The following NTRK3 variants were observed in gnomAD, a reference collection of about 807,000 sequenced individuals.
NTRK3 encodes the protein NT-3 growth factor receptor.
NTRK3 carries 24 observed loss-of-function variants against 91.7 expected under a neutral mutation model. The observed-to-expected ratio is 0.26, with a 90% CI of 0.19 to 0.37. NTRK3 has a LOEUF of 0.37. NTRK3 is among the 10% of genes least tolerant of loss of function. The probability of loss-of-function intolerance (pLI) is 1.00; values close to 1 mark genes in which losing one functional copy is unlikely to be tolerated. For missense variants in NTRK3, 880 were observed against 1,068.9 expected (o/e 0.82, Z 2.46); for synonymous variants, 483 against 404.0 (o/e 1.20, Z -2.34).
intron 3 of NTRK3, among the ~76,000 whole-genome samples, chr15:88,246,498 C>T (rs933532404): frequency 6.6e-6 from 1 of 152,182 alleles, no homozygotes; most frequent in Non-Finnish European, 1.5e-5. Context: ...CATCAGACAG[C>T]CTGAGAGCCT....
At chr15:88,009,497 C>T (rs564644291) in intron 14 of NTRK3, among the ~76,000 whole-genome samples, 1 of 152,188 alleles carries the variant, frequency 6.6e-6, no homozygotes, top group Non-Finnish European at 1.5e-5. Flanking sequence ...ACAGATCCTT[C>T]TATCTTTCAA....
At chr15:88,198,764 C>T (rs2048045266) in intron 3 of NTRK3, among the ~76,000 whole-genome samples, 1 of 152,202 alleles carries the variant, frequency 6.6e-6, no homozygotes, top group African/African-American at 2.4e-5. Context: ...ACCAGGTGGG[C>T]TCCAACCTGC....
chr15:88,192,972 G>A (rs1158582993), intron 3 of NTRK3, among the ~76,000 whole-genome samples: 1 of 152,132 alleles, frequency 6.6e-6, no homozygotes. Flanking sequence ...ATTTGATTAT[G>A]TGTTTGTCAT....
intron 6 of NTRK3, among the ~76,000 whole-genome samples, chr15:88,138,331 A>C (rs946232461): frequency 4.6e-5 from 7 of 152,010 alleles, no homozygotes; most frequent in African/African-American, 1.7e-4. Flanking sequence ...AATGGCGTGA[A>C]CCCAGGAGGC....
chr15:88,230,449 C>A (rs2051083526), intron 3 of NTRK3, among the ~76,000 whole-genome samples: 1 of 152,126 alleles, frequency 6.6e-6, no homozygotes, highest in Non-Finnish European at 1.5e-5. Flanking sequence ...CCTGTTTGCC[C>A]CCTAACAGGC....
intron 5 of NTRK3, among the ~76,000 whole-genome samples, chr15:88,172,879 C>T (rs780127423): frequency 2.0e-5 from 3 of 152,120 alleles, no homozygotes; most frequent in Non-Finnish European, 2.9e-5. Flanking sequence ...TGCCACCTGC[C>T]TCACAAGGGT....
chr15:87,863,408 C>T (rs1267089391), exon 19 of NTRK3: 6 of 225,630 alleles, frequency 2.7e-5, no homozygotes, highest in Middle Eastern at 1.3e-3. Flanking sequence ...ACCCAGGCTT[C>T]GCTGCAGAAT....
At chr15:87,953,846 TC>T (rs1301305563) in intron 14 of NTRK3, among the ~76,000 whole-genome samples, 2 of 152,190 alleles carry the variant, frequency 1.3e-5, no homozygotes, top group African/African-American at 4.8e-5. Flanking sequence ...GGCTGTGGCC[TC>T]CTTGGGAATA....
At chr15:87,999,090 C>A (rs948646014) in intron 14 of NTRK3, among the ~76,000 whole-genome samples, 2 of 152,160 alleles carry the variant, frequency 1.3e-5, no homozygotes, top group African/African-American at 4.8e-5. Flanking sequence ...AAGCTTCTCT[C>A]CCCCATGCCA....
In NTRK3 at chr15:88,004,249, C is replaced by A. The variant is rs1264862888; in HGVS notation, c.1585+28608G>T. Among the ~76,000 whole-genome samples the A allele has an allele frequency of 1.3e-5, 2 of 152,108 alleles. 1 individual carries two copies. Among genetic ancestry groups the A allele is most frequent in the African/African-American group, 4.8e-5 (2 of 41,406 alleles). The stretch of plus-strand genomic sequence containing the variant: ...TCCCTGATCTCCAAGAGGGACTATG[C>A]CAGAGTCCCTCTGAGATGATCCTAA... On this transcript the variant is annotated intron_variant, in intron 14 of 18. Coordinates refer to ENST00000394480, the Ensembl canonical transcript of NTRK3.
At chr15:88,015,684 C>G (rs1396064217) in intron 14 of NTRK3, among the ~76,000 whole-genome samples, 1 of 152,166 alleles carries the variant, frequency 6.6e-6, no homozygotes, top group South Asian at 2.1e-4. Context: ...CTCCCTCATG[C>G]GGGGATGATG....
intron 3 of NTRK3, among the ~76,000 whole-genome samples, chr15:88,192,553 G>A (rs1447849240): frequency 2.0e-5 from 3 of 152,040 alleles, no homozygotes; most frequent in Non-Finnish European, 4.4e-5. Flanking sequence ...ACTCTCTCCT[G>A]CCTAAAACCC....
At chr15:88,026,525 T>C (rs542473379) in intron 14 of NTRK3, among the ~76,000 whole-genome samples, 61 of 152,208 alleles carry the variant, frequency 4.0e-4, no homozygotes, top group African/African-American at 1.4e-3. Flanking sequence ...TTTTGGACAG[T>C]GAAATTATTC....
chr15:88,076,283 C>T (rs1049441491), intron 13 of NTRK3, among the ~76,000 whole-genome samples: 3 of 152,054 alleles, frequency 2.0e-5, no homozygotes, highest in African/African-American at 7.2e-5. Context: ...ATCATAAGAC[C>T]AGCACTGGAA....
At chr15:88,148,265 C>T (rs1001768151) in intron 5 of NTRK3, among the ~76,000 whole-genome samples, 4 of 152,196 alleles carry the variant, frequency 2.6e-5, no homozygotes, top group Non-Finnish European at 5.9e-5. Context: ...TACACACGCA[C>T]CTATATTTGG....
chr15:88,111,599 C>G (rs2051362709), intron 13 of NTRK3, among the ~76,000 whole-genome samples: 1 of 152,106 alleles, frequency 6.6e-6, no homozygotes, highest in African/African-American at 2.4e-5. Flanking sequence ...TGGGGACTCC[C>G]TAAGGTTCCC....
chr15:88,102,501 G>C (rs1345589630), intron 13 of NTRK3, among the ~76,000 whole-genome samples: 2 of 152,158 alleles, frequency 1.3e-5, no homozygotes, highest in African/African-American at 4.8e-5. Flanking sequence ...CACTAAAAGA[G>C]TGGAACTGGA....
At chr15:88,225,100 C>A (rs570803720) in intron 3 of NTRK3, among the ~76,000 whole-genome samples, 1 of 152,104 alleles carries the variant, frequency 6.6e-6, no homozygotes, top group East Asian at 1.9e-4. Context: ...TTTCTCACAG[C>A]GTGGTGGGTA....
At chr15:88,196,016 C>G (rs181612666) in intron 3 of NTRK3, among the ~76,000 whole-genome samples, 1 of 152,260 alleles carries the variant, frequency 6.6e-6, no homozygotes, top group Non-Finnish European at 1.5e-5. Context: ...TTAATTCACT[C>G]AATATGGAAG....
Sources: allele counts gnomAD v4.1 joint callset (sites outside exome capture counted in the v4.1 genomes callset), GRCh38; gene constraint gnomAD v4.1.1; transcripts MANE v1.5; gene names NCBI Gene and HGNC (gene_info 2026-07-23, HGNC 2026-07-21).